ANK3: variants seen among roughly 807,000 people sequenced by gnomAD.
The protein encoded by ANK3 is ankyrin-3.
A neutral mutation model predicts 370.9 loss-of-function variants in ANK3; 57 were observed. The observed-to-expected ratio is 0.15, with a 90% CI of 0.12 to 0.19. The LOEUF is 0.19. Among genes scored for constraint, ANK3 ranks in the 10% least tolerant of loss-of-function variants. ANK3 has a pLI of 1.00. For missense variants in ANK3, 4,439 were observed against 5,302.1 expected (o/e 0.84, Z 5.06); for synonymous variants, 1,929 against 1,946.3 (o/e 0.99, Z 0.23).
At chr10:60,231,370 C>T (rs2097241537) in intron 8 of ANK3, among the ~76,000 whole-genome samples, 1 of 152,200 alleles carries the variant, frequency 6.6e-6, no homozygotes, top group Admixed American at 6.5e-5. Context: ...ACAGTGCTGT[C>T]CTCTGAGGTG....
chr10:60,321,698 C>T (rs557831392), intron 1 of ANK3, among the ~76,000 whole-genome samples: 9 of 152,282 alleles, frequency 5.9e-5, no homozygotes, highest in African/African-American at 1.4e-4. Flanking sequence ...ATGGTCACAC[C>T]GCAGAAGTGG....
chr10:60,197,583 G>A (rs2096607141), intron 14 of ANK3, among the ~76,000 whole-genome samples: 1 of 152,176 alleles, frequency 6.6e-6, no homozygotes, highest in Non-Finnish European at 1.5e-5. Context: ...AGAATCACAA[G>A]AAATGAAATT....
intron 2 of ANK3, among the ~76,000 whole-genome samples, chr10:60,527,915 G>A (rs532928368): frequency 2.0e-5 from 3 of 152,072 alleles, no homozygotes; most frequent in South Asian, 2.1e-4. Flanking sequence ...ACATCACCAA[G>A]GAACCCCTAA....
intron 1 of ANK3, among the ~76,000 whole-genome samples, chr10:60,711,507 A>G (rs2133429701): frequency 6.6e-6 from 1 of 152,172 alleles, no homozygotes; most frequent in South Asian, 2.1e-4. Context: ...ATGTCAGTAG[A>G]AACTTCCCAA....
chr10:60,440,918 G>C (rs543882016), intron 2 of ANK3, among the ~76,000 whole-genome samples: 3 of 152,276 alleles, frequency 2.0e-5, no homozygotes, highest in African/African-American at 7.2e-5. Flanking sequence ...ACTAAAAAAG[G>C]GTAGTTCTTC....
At chr10:60,110,436 C>T (rs1309539687) in intron 26 of ANK3, among the ~76,000 whole-genome samples, 1 of 152,098 alleles carries the variant, frequency 6.6e-6, no homozygotes, top group Admixed American at 6.6e-5. Context: ...GAATTTATGT[C>T]TCTTACAACA....
At position 60,311,352 on chromosome 10, in the gene ANK3, T is replaced by C. The variant is rs936482385; in HGVS notation, c.115-31713A>G. Among the ~76,000 whole-genome samples the C allele has an allele frequency of 5.9e-5, 9 of 152,104 alleles. 1 individual carries two copies. The highest frequency in any genetic ancestry group is 2.2e-4 in the African/African-American group (9 of 41,414). On this transcript the variant is annotated intron_variant, in intron 1 of 43. Coordinates refer to ENST00000280772, the MANE Select transcript of ANK3 (RefSeq NM_020987.5). Reference sequence around the variant, plus strand: ...ATGTGTAGCCCAAACCTTCTGAATATTCCCAAGTCAAACCACTGAAATGTA... The same window carrying C: ...ATGTGTAGCCCAAACCTTCTGAATACTCCCAAGTCAAACCACTGAAATGTA...
chr10:60,722,541 G>A (rs1249889347), intron 1 of ANK3, among the ~76,000 whole-genome samples: 1 of 152,124 alleles, frequency 6.6e-6, no homozygotes, highest in Non-Finnish European at 1.5e-5. Flanking sequence ...ATTTTAAAGT[G>A]TTCACTTATC....
Position 60,086,658 on chromosome 10 carries a change from A to C in ANK3, c.3748+19T>G, listed in dbSNP as rs1285059499. 24 of 1,599,602 alleles carry C rather than the reference A, an allele frequency of 1.5e-5. No homozygotes were observed. The highest frequency in any genetic ancestry group is 2.1e-5 in the Non-Finnish European group (24 of 1,169,678). ...ATCTTTGTGAATCAATAGGAAGTAC[A>C]GCAGTGACTTAACCAAACCTGTAAT... On this transcript the variant is annotated intron_variant, in intron 30 of 43. Transcript: ENST00000280772.
At chr10:60,631,363 C>T (rs1250590520) in intron 1 of ANK3, among the ~76,000 whole-genome samples, 1 of 151,890 alleles carries the variant, frequency 6.6e-6, no homozygotes, top group Non-Finnish European at 1.5e-5. Flanking sequence ...CCCATCTCTA[C>T]TAAAAATACC....
intron 1 of ANK3, among the ~76,000 whole-genome samples, chr10:60,337,937 T>G (rs1450181267): frequency 6.6e-6 from 1 of 152,222 alleles, no homozygotes; most frequent in Non-Finnish European, 1.5e-5. Flanking sequence ...ATTTTATATT[T>G]GATTTTCCAT....
intron 25 of ANK3, among the ~76,000 whole-genome samples, chr10:60,122,376 C>G (rs1025180244): frequency 1.3e-5 from 2 of 152,182 alleles, no homozygotes; most frequent in African/African-American, 4.8e-5. Context: ...GCCAGCACCA[C>G]AGTCATTGGG....
intron 2 of ANK3, among the ~76,000 whole-genome samples, chr10:60,614,280 T>C (rs892395290): frequency 6.6e-6 from 1 of 152,180 alleles, no homozygotes; most frequent in Non-Finnish European, 1.5e-5. Flanking sequence ...TACATATGAA[T>C]GCGGAAGACA....
intron 2 of ANK3, among the ~76,000 whole-genome samples, chr10:60,599,404 A>G (rs945131781): frequency 2.6e-5 from 4 of 152,214 alleles, no homozygotes; most frequent in African/African-American, 9.6e-5. Flanking sequence ...CTTCTTTTAA[A>G]GTATTAATTA....
At chr10:60,034,934 G>A (rs532646918) in intron 43 of ANK3, among the ~76,000 whole-genome samples, 2 of 151,916 alleles carry the variant, frequency 1.3e-5, no homozygotes, top group South Asian at 4.2e-4. Context: ...AGGTAGCTTT[G>A]TTTCTTCACT....
At chr10:60,355,650 G>T (rs150785955) in intron 1 of ANK3, among the ~76,000 whole-genome samples, 79 of 152,276 alleles carry the variant, frequency 5.2e-4, no homozygotes, top group African/African-American at 1.9e-3. Flanking sequence ...AAAAGACCAT[G>T]AAGTGCTCGC....
chr10:60,487,010 A>C (rs2075366851), intron 2 of ANK3, among the ~76,000 whole-genome samples: 2 of 152,196 alleles, frequency 1.3e-5, no homozygotes, highest in African/African-American at 4.8e-5. Context: ...GAGGAGCCAT[A>C]TGTAATTATT....
intron 28 of ANK3, among the ~76,000 whole-genome samples, chr10:60,095,269 G>A (rs10761453): frequency 0.72 from 109,564 of 152,244 alleles, 40,505 homozygotes; most frequent in East Asian, 0.92. Context: ...AAAGAAATCA[G>A]CTGGGAATCA....
Position 60,106,022 on chromosome 10 carries a change from T to C in ANK3, c.3211A>G (p.Arg1071Gly), listed in dbSNP as rs1381936164. ...IVEIPHFGSM[R>G]GKERELIVLR... Reference sequence around the variant, plus strand: ...ACAATGAGTTCTCTCTCTTTTCCTCTCATGGACCCAAAGTGAGGGATTTCC... The same window carrying C: ...ACAATGAGTTCTCTCTCTTTTCCTCCCATGGACCCAAAGTGAGGGATTTCC... Residue 1071 changes from arginine (R) to glycine (G), a missense_variant, in exon 28 of 44, where the codon AGA (arginine) becomes GGA (glycine). Physicochemically the swap from Arg to Gly is moderately radical, Grantham distance 125. Around this residue, in one of 13 missense-constraint regions of ANK3, gnomAD observed 702 missense variants for 941.5 expected, o/e 0.75. Transcript: ENST00000280772. 1 of 1,611,798 alleles carries C rather than the reference T, an allele frequency of 6.2e-7. No homozygotes were observed. The highest frequency in any genetic ancestry group is 1.1e-5 in the South Asian group (1 of 90,534).
Sources: gnomAD v4.1 joint callset for allele counts (sites outside exome capture counted in the v4.1 genomes callset) on GRCh38, gnomAD v4.1.1 for gene constraint, gnomAD v4.1.1 regional missense constraint, MANE v1.5 for transcripts, NCBI Gene and HGNC (gene_info 2026-07-23, HGNC 2026-07-21) for gene names.